Variants in AATF observed in about 807,000 individuals in gnomAD.
AATF encodes apoptosis antagonizing transcription factor.
In AATF, 48 loss-of-function variants were observed where a neutral mutation model predicts 63.7. The ratio of observed to expected loss-of-function variants is 0.75; its 90% CI spans 0.60 to 0.96. The LOEUF (loss-of-function observed/expected upper bound fraction) is 0.96, where lower values mean the gene tolerates loss of function less well. Among genes scored for constraint, AATF ranks in the 40% least tolerant of loss-of-function variants. AATF has a pLI of 0.00. For synonymous variants in AATF, 258 were observed against 247.7 expected (o/e 1.04, Z -0.39); for missense variants, 639 against 685.7 (o/e 0.93, Z 0.76).
At chr17:37,013,313 A>G (rs2071405686) in intron 8 of AATF, among the ~76,000 whole-genome samples, 1 of 152,220 alleles carries the variant, frequency 6.6e-6, no homozygotes, top group Non-Finnish European at 1.5e-5. Context: ...TGTTTACATT[A>G]TTATTACTAA....
intron 4 of AATF, among the ~76,000 whole-genome samples, chr17:36,966,245 TA>T (rs1422405197): frequency 6.6e-6 from 1 of 152,140 alleles, no homozygotes; most frequent in Non-Finnish European, 1.5e-5. Flanking sequence ...TTTAAGTTGT[TA>T]TTTTTAAGCT....
intron 4 of AATF, among the ~76,000 whole-genome samples, chr17:36,959,395 A>G (rs2070928333): frequency 6.6e-6 from 1 of 152,214 alleles, no homozygotes; most frequent in South Asian, 2.1e-4. Context: ...GTGAGCAGAG[A>G]TCATGCCATT....
Position 36,986,805 on chromosome 17 carries a change from G to A in AATF, c.947+74G>A, listed in dbSNP as rs893895780. The A allele has an allele frequency of 3.4e-5, 44 of 1,284,166 alleles. 1 individual carries two copies. The African/African-American group carries it at 4.0e-4, about 12-fold the overall frequency. The allele number at this position is 1,284,166 out of a possible 1,614,324, so 79.5% of individuals were successfully genotyped here. On this transcript the variant is annotated intron_variant, in intron 5 of 11. Transcript: ENST00000619387. ...GTTTCCCATCATTTATGAAAGAAAA[G>A]CTAAGTTCTCTTCAGGCAGATATTA...
At chr17:37,016,215 ATATT>A (rs2071427608) in intron 8 of AATF, among the ~76,000 whole-genome samples, 1 of 152,218 alleles carries the variant, frequency 6.6e-6, no homozygotes, top group African/African-American at 2.4e-5. Context: ...TTAGGAGTTA[ATATT>A]TATTTTATTC....
intron 4 of AATF, among the ~76,000 whole-genome samples, chr17:36,962,288 CTTAG>C (rs1368616138): frequency 1.3e-5 from 2 of 152,326 alleles, no homozygotes; most frequent in African/African-American, 4.8e-5. Context: ...CTTTGTCCAA[CTTAG>C]TTAATTAGGC....
intron 4 of AATF, among the ~76,000 whole-genome samples, chr17:36,977,457 T>C (rs1379398590): frequency 6.6e-6 from 1 of 152,080 alleles, no homozygotes; most frequent in Non-Finnish European, 1.5e-5. Flanking sequence ...TAGAGACAGT[T>C]TCACCACAGC....
At chr17:36,990,935 A>G (rs1401835723) in intron 8 of AATF, 78 bp downstream of exon 8, 1 of 1,106,180 alleles carries the variant, frequency 9.0e-7, no homozygotes, top group African/African-American at 1.6e-5. Flanking sequence ...TGAACAAAGA[A>G]GTTGCTTATT....
intron 8 of AATF, among the ~76,000 whole-genome samples, chr17:37,017,384 A>T (rs769940343): frequency 6.6e-6 from 1 of 152,044 alleles, no homozygotes; most frequent in Non-Finnish European, 1.5e-5. Flanking sequence ...TTTTGACAGA[A>T]TATTGACTAG....
At chr17:36,990,285 A>G (rs1298535250) in intron 7 of AATF, among the ~76,000 whole-genome samples, 3 of 152,192 alleles carry the variant, frequency 2.0e-5, no homozygotes, top group East Asian at 1.9e-4. Flanking sequence ...ATTCCATTGT[A>G]TGGATATGCA....
chr17:37,010,463 AATT>A (rs143188434), intron 8 of AATF, among the ~76,000 whole-genome samples: 5,255 of 152,000 alleles, frequency 0.035, 150 homozygotes, highest in Admixed American at 0.08. Flanking sequence ...ATCTCAAAAA[AATT>A]ATTATTATTA....
chr17:37,035,541 CTT>C (rs767344407), intron 11 of AATF, among the ~76,000 whole-genome samples: 6 of 143,062 alleles, frequency 4.2e-5, no homozygotes, highest in South Asian at 2.2e-4. Flanking sequence ...GTGTTTCCAA[CTT>C]TTTTTTTTTT....
intron 10 of AATF, among the ~76,000 whole-genome samples, chr17:37,023,624 A>G (rs2071489695): frequency 1.4e-5 from 2 of 144,722 alleles, no homozygotes; most frequent in African/African-American, 5.1e-5. Flanking sequence ...CTTTTTAAAC[A>G]GAGTTTAAAA....
intron 10 of AATF, among the ~76,000 whole-genome samples, chr17:37,028,863 T>C (rs1180933195): frequency 1.3e-5 from 2 of 152,156 alleles, no homozygotes; most frequent in Non-Finnish European, 2.9e-5. Flanking sequence ...GTACTTCTGT[T>C]CCTACGGTTA....
chr17:36,973,696 A>ATT (rs1312362867), intron 4 of AATF, among the ~76,000 whole-genome samples: 1 of 152,196 alleles, frequency 6.6e-6, no homozygotes, highest in African/African-American at 2.4e-5. Context: ...AGGTAAGACC[A>ATT]TTTTTTAGGT....
Position 36,990,850 on chromosome 17 carries a change from A to C in AATF, c.1391A>C (p.Tyr464Ser). The stretch of plus-strand genomic sequence containing the variant: ...GAAATCTTTGATGATGATGACTTTT[A>C]CCACCAGGTGAGACTTTTACACTCT... Reference protein sequence around the residue: ...DEEIFDDDDFYHQLLRELIER... With the variant: ...DEEIFDDDDFSHQLLRELIER... Residue 464 changes from tyrosine (Y) to serine (S), a missense_variant, in exon 8 of 12, where the codon TAC becomes TCC. Physicochemically the swap from Tyr to Ser is moderately radical, Grantham distance 144. Coordinates refer to ENST00000619387, the MANE Select transcript of AATF (RefSeq NM_012138.4). The C allele has an allele frequency of 1.9e-6, 3 of 1,583,234 alleles. No individual in the cohort carries two copies. Among genetic ancestry groups the C allele is most frequent in the Non-Finnish European group, 2.6e-6 (3 of 1,168,614 alleles).
At chr17:37,014,040 G>A (rs987268577) in intron 8 of AATF, among the ~76,000 whole-genome samples, 2 of 151,888 alleles carry the variant, frequency 1.3e-5, no homozygotes, top group South Asian at 2.1e-4. Flanking sequence ...TAGACCTCTC[G>A]TTTCTAATAT....
chr17:36,996,327 T>C (rs887129422), intron 8 of AATF, among the ~76,000 whole-genome samples: 4 of 152,074 alleles, frequency 2.6e-5, no homozygotes, highest in African/African-American at 9.7e-5. Flanking sequence ...CTCAGCTACT[T>C]GGAGACTGAG....
At chr17:37,033,624 T>A (rs2071567945) in intron 11 of AATF, 1 of 154,784 alleles carries the variant, frequency 6.5e-6, no homozygotes, top group South Asian at 2.0e-4. Context: ...TTAATTTGGG[T>A]ATGGCCTATA....
chr17:36,949,306 C>T (rs1394751268), intron 1 of AATF, 90 bp downstream of exon 1: 60 of 1,267,124 alleles, frequency 4.7e-5, no homozygotes, highest in Non-Finnish European at 6.1e-5. Context: ...TGCGCGAGGC[C>T]GCCGGGCCTG....
Sources: allele counts gnomAD v4.1 joint callset (sites outside exome capture counted in the v4.1 genomes callset), GRCh38; gene constraint gnomAD v4.1.1; transcripts MANE v1.5; gene names NCBI Gene and HGNC (gene_info 2026-07-23, HGNC 2026-07-21).